DDX10: variants seen among roughly 807,000 people sequenced by gnomAD.
DDX10 encodes the protein probable ATP-dependent RNA helicase DDX10.
A neutral mutation model predicts 104.3 loss-of-function variants in DDX10; 74 were observed. That is an observed-to-expected ratio of 0.71 (90% CI 0.59 to 0.86). The LOEUF is 0.86. Ranked by LOEUF, DDX10 falls within the 40% of genes least tolerant of loss-of-function variation. The probability of loss-of-function intolerance (pLI) is 0.00; values close to 1 mark genes in which losing one functional copy is unlikely to be tolerated. For synonymous variants in DDX10, 351 were observed against 353.4 expected (o/e 0.99, Z 0.08); for missense variants, 952 against 1,040.0 (o/e 0.92, Z 1.16).
At chr11:108,805,053 G>A (rs1862078008) in intron 13 of DDX10, among the ~76,000 whole-genome samples, 1 of 152,198 alleles carries the variant, frequency 6.6e-6, no homozygotes, top group African/African-American at 2.4e-5. Context: ...GGATCCTGGG[G>A]GCTGGGCATC....
chr11:108,740,494 A>G (rs1338369469), intron 13 of DDX10, among the ~76,000 whole-genome samples: 1 of 152,164 alleles, frequency 6.6e-6, no homozygotes, highest in Non-Finnish European at 1.5e-5. Flanking sequence ...TCCTTTGGGT[A>G]TATACCCAAT....
At chr11:108,926,971 C>T (rs1025756378) in intron 17 of DDX10, among the ~76,000 whole-genome samples, 7 of 152,274 alleles carry the variant, frequency 4.6e-5, no homozygotes, top group South Asian at 4.1e-4. Context: ...GGCTCTCAGG[C>T]GCTAAATTCT....
At chr11:108,675,088 T>TTGTG (rs142204234) in intron 2 of DDX10, among the ~76,000 whole-genome samples, 6,899 of 146,824 alleles carry the variant, frequency 0.047, 487 homozygotes, top group African/African-American at 0.15. Context: ...CATATTCCAT[T>TTGTG]TGTGTGTGTG....
intron 13 of DDX10, among the ~76,000 whole-genome samples, chr11:108,817,747 T>C (rs910137592): frequency 1.3e-5 from 2 of 152,186 alleles, no homozygotes; most frequent in Non-Finnish European, 2.9e-5. Context: ...AAAAGTGCTT[T>C]TAAATATATT....
At chr11:108,687,251 A>G (rs561169483) in intron 6 of DDX10, among the ~76,000 whole-genome samples, 3 of 152,322 alleles carry the variant, frequency 2.0e-5, no homozygotes, top group South Asian at 2.1e-4. Flanking sequence ...GTGAAGTGAC[A>G]TATCGTTATT....
At chr11:108,897,880 G>A (rs949812586) in intron 16 of DDX10, among the ~76,000 whole-genome samples, 1 of 151,980 alleles carries the variant, frequency 6.6e-6, no homozygotes, top group Non-Finnish European at 1.5e-5. Flanking sequence ...ATTTCCAATG[G>A]TGTATTATTC....
chr11:108,736,673 G>C (rs1019568879), intron 13 of DDX10, among the ~76,000 whole-genome samples: 1 of 152,126 alleles, frequency 6.6e-6, no homozygotes, highest in Non-Finnish European at 1.5e-5. Flanking sequence ...TTGCTCTTCT[G>C]CCATGTGAGG....
At chr11:108,666,294 A>G (rs1164659346) in intron 1 of DDX10, among the ~76,000 whole-genome samples, 5 of 152,206 alleles carry the variant, frequency 3.3e-5, no homozygotes, top group Non-Finnish European at 7.3e-5. Context: ...CCTGACCAAC[A>G]TGGTGAAACC....
At chr11:108,697,178 A>C (rs1335621225) in intron 9 of DDX10, among the ~76,000 whole-genome samples, 1 of 151,040 alleles carries the variant, frequency 6.6e-6, no homozygotes, top group Non-Finnish European at 1.5e-5. Flanking sequence ...TTTTTACTTG[A>C]CTATTTTAGA....
chr11:108,679,012 C>G (rs868210534), intron 5 of DDX10, among the ~76,000 whole-genome samples: 5 of 151,804 alleles, frequency 3.3e-5, no homozygotes, highest in African/African-American at 1.2e-4. Flanking sequence ...GTGTGCACCA[C>G]CACGCCCAGC....
chr11:108,862,805 A>G (rs962961868), intron 16 of DDX10, among the ~76,000 whole-genome samples: 2 of 151,762 alleles, frequency 1.3e-5, no homozygotes, highest in African/African-American at 2.4e-5. Flanking sequence ...TCTACTCTTC[A>G]TGCTATCTGA....
intron 13 of DDX10, among the ~76,000 whole-genome samples, chr11:108,792,092 A>G (rs1591819395): frequency 1.3e-5 from 2 of 152,234 alleles, no homozygotes; most frequent in South Asian, 2.1e-4. Flanking sequence ...TGAAGTTTCT[A>G]TTCAAATCTT....
At chr11:108,712,326 C>G (rs1229744654) in intron 10 of DDX10, among the ~76,000 whole-genome samples, 1 of 152,124 alleles carries the variant, frequency 6.6e-6, no homozygotes, top group African/African-American at 2.4e-5. Flanking sequence ...GGATGAATAT[C>G]TAATGTATTC....
intron 9 of DDX10, among the ~76,000 whole-genome samples, chr11:108,698,817 G>T (rs927253579): frequency 2.0e-5 from 3 of 152,198 alleles, no homozygotes; most frequent in Admixed American, 2.0e-4. Context: ...CCCCCAGTTT[G>T]CTAGTATTCT....
At chr11:108,716,591 A>C (rs1327105677) in intron 11 of DDX10, among the ~76,000 whole-genome samples, 1 of 152,080 alleles carries the variant, frequency 6.6e-6, no homozygotes, top group Non-Finnish European at 1.5e-5. Flanking sequence ...ATAACTCCTG[A>C]TTGTACTTTC....
At chr11:108,864,940 A>G (rs546081878) in intron 16 of DDX10, among the ~76,000 whole-genome samples, 33 of 152,332 alleles carry the variant, frequency 2.2e-4, no homozygotes, top group Admixed American at 2.0e-3. Flanking sequence ...GATTGCAGTC[A>G]GTCTGTCACC....
chr11:108,939,007 G>A (rs572025403), intron 17 of DDX10, among the ~76,000 whole-genome samples: 31 of 152,288 alleles, frequency 2.0e-4, no homozygotes, highest in Middle Eastern at 6.8e-3. Context: ...ATTAGATATA[G>A]TGAATGTGAG....
intron 13 of DDX10, among the ~76,000 whole-genome samples, chr11:108,746,494 C>G (rs1198794195): frequency 6.6e-6 from 1 of 152,072 alleles, no homozygotes; most frequent in East Asian, 1.9e-4. Flanking sequence ...GTGAATAATG[C>G]TGCTACAAAC....
At chr11:108,679,741 T>C (rs2094232032) in intron 6 of DDX10, among the ~76,000 whole-genome samples, 181 bp downstream of exon 6, 1 of 152,192 alleles carries the variant, frequency 6.6e-6, no homozygotes, top group Admixed American at 6.5e-5. Context: ...AATGTCAGGG[T>C]ACTTGAATGT....
Sources: allele counts gnomAD v4.1 joint callset (sites outside exome capture counted in the v4.1 genomes callset), GRCh38; gene constraint gnomAD v4.1.1; transcripts MANE v1.5; gene names NCBI Gene and HGNC (gene_info 2026-07-23, HGNC 2026-07-21).